Variants in SCARA5 observed in about 807,000 individuals in gnomAD.
SCARA5 encodes the protein scavenger receptor class A member 5, also known as scavenger receptor class A, member 5 (putative).
In SCARA5, 45 loss-of-function variants were observed where a neutral mutation model predicts 46.3. The ratio of observed to expected loss-of-function variants is 0.97; its 90% CI spans 0.76 to 1.24. The LOEUF (loss-of-function observed/expected upper bound fraction) is 1.24. SCARA5 is among the 50% of genes most tolerant of loss of function. SCARA5 has a pLI of 0.00. For synonymous variants in SCARA5, 333 were observed against 306.5 expected (o/e 1.09, Z -0.90); for missense variants, 680 against 689.0 (o/e 0.99, Z 0.15).
At chr8:27,925,477 A>G (rs1469041801) in intron 3 of SCARA5, among the ~76,000 whole-genome samples, 2 of 152,240 alleles carry the variant, frequency 1.3e-5, no homozygotes, top group Non-Finnish European at 2.9e-5. Context: ...CACCTTATAC[A>G]AAAATTAATT....
chr8:27,891,081 T>C (rs1806972867), intron 7 of SCARA5, among the ~76,000 whole-genome samples: 1 of 152,152 alleles, frequency 6.6e-6, no homozygotes, highest in African/African-American at 2.4e-5. Flanking sequence ...CCTCTCAGGG[T>C]TGTTGAGGGG....
chr8:27,872,116 C>T (rs375822670), intron 8 of SCARA5, 46 bp from the exon 9 acceptor site: 19 of 1,605,010 alleles, frequency 1.2e-5, no homozygotes, highest in South Asian at 9.9e-5. Context: ...CACAGGAGGG[C>T]GAGAAGGAGA....
chr8:27,969,187 G>A (rs917849087), intron 2 of SCARA5, among the ~76,000 whole-genome samples: 1 of 152,106 alleles, frequency 6.6e-6, no homozygotes, highest in Admixed American at 6.5e-5. Flanking sequence ...TTTTTTCCAA[G>A]TGGCAGAAGC....
At chr8:27,906,652 C>T (rs184254186) in intron 6 of SCARA5, among the ~76,000 whole-genome samples, 2 of 152,344 alleles carry the variant, frequency 1.3e-5, no homozygotes, top group African/African-American at 2.4e-5. Flanking sequence ...TTGCTCACTC[C>T]TCCTGACAGC....
At chr8:27,983,523 C>T (rs1808655353) in intron 2 of SCARA5, among the ~76,000 whole-genome samples, 1 of 152,238 alleles carries the variant, frequency 6.6e-6, no homozygotes. Context: ...GCCTGCATCT[C>T]AGGTAAGGAG....
intron 1 of SCARA5, among the ~76,000 whole-genome samples, chr8:27,990,207 G>T (rs921840958): frequency 6.6e-6 from 1 of 152,254 alleles, no homozygotes; most frequent in African/African-American, 2.4e-5. Flanking sequence ...CAGGGGATCT[G>T]CTGGGGAGAG....
intron 2 of SCARA5, among the ~76,000 whole-genome samples, chr8:27,966,833 A>G (rs1182322934): frequency 6.6e-6 from 1 of 152,224 alleles, no homozygotes; most frequent in Non-Finnish European, 1.5e-5. Context: ...AAGCAGCAGA[A>G]AGACCTTGAA....
intron 3 of SCARA5, among the ~76,000 whole-genome samples, chr8:27,937,063 C>T (rs923509331): frequency 1.3e-5 from 2 of 152,216 alleles, no homozygotes; most frequent in African/African-American, 4.8e-5. Flanking sequence ...TAATGAAACT[C>T]AGTCTTTGCA....
At chr8:27,952,205 C>G (rs1288543796) in intron 3 of SCARA5, among the ~76,000 whole-genome samples, 2 of 152,146 alleles carry the variant, frequency 1.3e-5, no homozygotes, top group Non-Finnish European at 2.9e-5. Context: ...CCCCCAGAAG[C>G]TGGAAGAGGT....
At chr8:27,992,043 A>T (rs1462677859) in intron 1 of SCARA5, among the ~76,000 whole-genome samples, 1 of 152,132 alleles carries the variant, frequency 6.6e-6, no homozygotes, top group Non-Finnish European at 1.5e-5. Context: ...GCAGGCTCAC[A>T]TTCTCTCCAG....
At chr8:27,951,202 T>C (rs1401845448) in intron 3 of SCARA5, among the ~76,000 whole-genome samples, 1 of 152,234 alleles carries the variant, frequency 6.6e-6, no homozygotes, top group African/African-American at 2.4e-5. Context: ...GGGATTCATA[T>C]ATGTGCCCCC....
chr8:27,935,535 G>A (rs1807840540), intron 3 of SCARA5, among the ~76,000 whole-genome samples: 1 of 152,142 alleles, frequency 6.6e-6, no homozygotes, highest in African/African-American at 2.4e-5. Context: ...TCCCAGAGAA[G>A]AGCTGCTAAG....
intron 4 of SCARA5, among the ~76,000 whole-genome samples, chr8:27,914,662 A>G (rs1807432251): frequency 6.6e-6 from 1 of 152,192 alleles, no homozygotes. Context: ...TCAACTTTCT[A>G]CACCATCTCA....
chr8:27,909,872 G>A (rs1807344656), intron 4 of SCARA5, 129 bp from the exon 5 acceptor site: 2 of 578,034 alleles, frequency 3.5e-6, no homozygotes, highest in Non-Finnish European at 3.0e-6. Context: ...AAACTCACAG[G>A]AAACCCCCAG....
chr8:27,898,618 C>T (rs1807100914), intron 7 of SCARA5, among the ~76,000 whole-genome samples: 2 of 152,160 alleles, frequency 1.3e-5, no homozygotes, highest in South Asian at 2.1e-4. Flanking sequence ...TGCTTTTTGT[C>T]CCTACTCCTG....
chr8:27,896,792 C>A (rs947526636), intron 7 of SCARA5, among the ~76,000 whole-genome samples: 1 of 152,164 alleles, frequency 6.6e-6, no homozygotes. Flanking sequence ...ACAAACGGCT[C>A]CCTAAAGAAA....
chr8:27,979,825 T>G (rs1255369753), intron 2 of SCARA5, among the ~76,000 whole-genome samples: 2 of 152,164 alleles, frequency 1.3e-5, no homozygotes, highest in South Asian at 2.1e-4. Flanking sequence ...CCTCCCAAAG[T>G]GCCAGAATTA....
Position 27,909,658 on chromosome 8 carries a change from A to G in SCARA5, c.997+5T>C, listed in dbSNP as rs1328039815. On this transcript the variant is annotated splice_donor_5th_base_variant and intron_variant, in intron 5 of 8. Transcript: ENST00000354914. The stretch of plus-strand genomic sequence containing the variant: ...CCAGGTACCACCCAGGGGCACGCTC[A>G]TTACCTCGAAGTCCAGGCAATCCAG... 8 of 1,544,434 alleles carry G rather than the reference A, an allele frequency of 5.2e-6. No homozygotes were observed. The South Asian group carries it at 9.5e-5, about 18-fold the overall frequency.
intron 2 of SCARA5, among the ~76,000 whole-genome samples, chr8:27,972,239 C>A (rs1808457284): frequency 6.6e-6 from 1 of 152,190 alleles, no homozygotes; most frequent in South Asian, 2.1e-4. Context: ...ATTGTTGGAA[C>A]CTGGGAGGCA....
Sources: allele counts gnomAD v4.1 joint callset (sites outside exome capture counted in the v4.1 genomes callset), GRCh38; gene constraint gnomAD v4.1.1; transcripts MANE v1.5; gene names NCBI Gene and HGNC (gene_info 2026-07-23, HGNC 2026-07-21).